CAST: variants seen among roughly 807,000 people sequenced by gnomAD.
The protein encoded by CAST is MIR583 host.
CAST carries 76 observed loss-of-function variants against 119.6 expected under a neutral mutation model. The ratio of observed to expected loss-of-function variants is 0.64; its 90% CI spans 0.53 to 0.77. CAST has a LOEUF of 0.77. Ranked by LOEUF, CAST falls within the 30% of genes least tolerant of loss-of-function variation. The pLI is 0.00. For synonymous variants in CAST, 319 were observed against 331.6 expected (o/e 0.96, Z 0.41); for missense variants, 953 against 946.5 (o/e 1.01, Z -0.09).
At chr5:96,418,293 A>T in the CAST span, among the ~76,000 whole-genome samples, 1 of 152,260 alleles carries the variant, frequency 6.6e-6, no homozygotes, top group East Asian at 1.9e-4. Flanking sequence ...ACTTTCTATT[A>T]TCTTAGAACA....
At chr5:96,721,998 G>A (rs746586220) in intron 3 of CAST, among the ~76,000 whole-genome samples, 1 of 152,168 alleles carries the variant, frequency 6.6e-6, no homozygotes, top group African/African-American at 2.4e-5. Context: ...GACACTGAAC[G>A]GACAGTTCAC....
the CAST span, among the ~76,000 whole-genome samples, chr5:96,140,929 A>G: frequency 6.6e-6 from 1 of 152,128 alleles, no homozygotes; most frequent in Non-Finnish European, 1.5e-5. Flanking sequence ...ATTCACCATT[A>G]CACTGTGTCT....
chr5:96,148,161 G>C, the CAST span, among the ~76,000 whole-genome samples: 1 of 152,172 alleles, frequency 6.6e-6, no homozygotes, highest in Non-Finnish European at 1.5e-5. Flanking sequence ...GATTTGTTTG[G>C]CAGATAAAAC....
At chr5:96,309,108 A>G in the CAST span, among the ~76,000 whole-genome samples, 3 of 152,168 alleles carry the variant, frequency 2.0e-5, no homozygotes, top group South Asian at 2.1e-4. Context: ...GCTTTTATCT[A>G]TAAGTCCCTG....
the CAST span, among the ~76,000 whole-genome samples, chr5:96,351,620 T>C: frequency 6.6e-6 from 1 of 152,272 alleles, no homozygotes; most frequent in South Asian, 2.1e-4. Context: ...ATATGTCTAC[T>C]GCACACCTGT....
At chr5:96,163,806 G>A in the CAST span, among the ~76,000 whole-genome samples, 1 of 152,152 alleles carries the variant, frequency 6.6e-6, no homozygotes, top group Non-Finnish European at 1.5e-5. Context: ...GCAGAATGGT[G>A]TCTGCCTACC....
At chr5:96,083,248 A>C in the CAST span, among the ~76,000 whole-genome samples, 1 of 152,262 alleles carries the variant, frequency 6.6e-6, no homozygotes, top group Non-Finnish European at 1.5e-5. Context: ...AGTAAACTTT[A>C]GTTGCCATTT....
At chr5:96,630,751 A>T (rs571875402) in intron 1 of CAST, among the ~76,000 whole-genome samples, 3 of 152,202 alleles carry the variant, frequency 2.0e-5, no homozygotes, top group African/African-American at 7.2e-5. Context: ...GTGCCACTGC[A>T]CTCCAGCCTG....
the CAST span, among the ~76,000 whole-genome samples, chr5:96,414,541 A>G: frequency 6.6e-6 from 1 of 152,206 alleles, no homozygotes; most frequent in Non-Finnish European, 1.5e-5. Flanking sequence ...TAGGTGCCTA[A>G]TAAATGAAGA....
chr5:96,453,264 T>C, the CAST span, among the ~76,000 whole-genome samples: 1 of 152,202 alleles, frequency 6.6e-6, no homozygotes, highest in Non-Finnish European at 1.5e-5. Flanking sequence ...ATGCATTGAG[T>C]TTTGAACTCT....
At chr5:96,102,320 T>C in the CAST span, among the ~76,000 whole-genome samples, 1 of 152,108 alleles carries the variant, frequency 6.6e-6, no homozygotes, top group African/African-American at 2.4e-5. Flanking sequence ...CTGAAGTCTG[T>C]CTGGCTCTGG....
chr5:96,441,234 G>T, the CAST span, among the ~76,000 whole-genome samples: 1 of 148,674 alleles, frequency 6.7e-6, no homozygotes, highest in African/African-American at 2.4e-5. Context: ...ACAGAGAGAT[G>T]ATTTCAAAGT....
the CAST span, among the ~76,000 whole-genome samples, chr5:96,377,896 T>C: frequency 2.8e-4 from 42 of 152,186 alleles, no homozygotes; most frequent in African/African-American, 9.4e-4. Context: ...AATCAAGATA[T>C]GTAAACAACC....
chr5:96,534,027 A>G (rs1333696625), intron 1 of CAST, among the ~76,000 whole-genome samples: 1 of 152,196 alleles, frequency 6.6e-6, no homozygotes, highest in Non-Finnish European at 1.5e-5. Context: ...TCAATGATAA[A>G]ATATAAACTT....
At chr5:96,339,465 A>G in the CAST span, among the ~76,000 whole-genome samples, 4 of 152,218 alleles carry the variant, frequency 2.6e-5, no homozygotes, top group African/African-American at 7.2e-5. Flanking sequence ...AACATTGCAC[A>G]TGATAGATGG....
intron 1 of CAST, among the ~76,000 whole-genome samples, chr5:96,648,842 C>T (rs899183266): frequency 5.3e-5 from 8 of 151,996 alleles, no homozygotes; most frequent in African/African-American, 9.7e-5. Flanking sequence ...AGCTCTGAGA[C>T]GCCTACTCAG....
At chr5:96,400,223 A>T in the CAST span, 1 of 1,475,064 alleles carries the variant, frequency 6.8e-7, no homozygotes, top group Non-Finnish European at 9.5e-7. Context: ...TTTCAGAGAA[A>T]AATGAAGTTT....
chr5:96,367,567 C>A, the CAST span, among the ~76,000 whole-genome samples: 1 of 152,134 alleles, frequency 6.6e-6, no homozygotes, highest in Non-Finnish European at 1.5e-5. Flanking sequence ...GCAGTTCGAT[C>A]TCAGACTGCT....
the CAST span, among the ~76,000 whole-genome samples, chr5:96,257,823 C>T: frequency 6.6e-6 from 1 of 152,246 alleles, no homozygotes; most frequent in Non-Finnish European, 1.5e-5. Flanking sequence ...AGGCACTATG[C>T]ATGGCATCCA....
Sources: gnomAD v4.1 joint callset for allele counts (sites outside exome capture counted in the v4.1 genomes callset) on GRCh38, gnomAD v4.1.1 for gene constraint, MANE v1.5 for transcripts, NCBI Gene and HGNC (gene_info 2026-07-23, HGNC 2026-07-21) for gene names.